Variants in CCDC157 observed in about 807,000 individuals in gnomAD.
CCDC157 encodes coiled-coil domain-containing protein 157.
A neutral mutation model predicts 70.9 loss-of-function variants in CCDC157; 60 were observed. That is an observed-to-expected ratio of 0.85 (90% CI 0.69 to 1.05). The LOEUF is 1.05. CCDC157 is among the 50% of genes least tolerant of loss of function. The pLI, the probability that CCDC157 is intolerant of heterozygous loss-of-function variation, is 0.00. For missense variants in CCDC157, 943 were observed against 984.2 expected (o/e 0.96, Z 0.56); for synonymous variants, 373 against 422.4 (o/e 0.88, Z 1.43).
rs772145253 is a variant in CCDC157, at chr22:30,370,837, C to A, written c.932C>A (p.Ala311Glu). 1.2e-6 allele frequency: 2 copies of A among 1,612,736 alleles called. No homozygotes were observed. Among genetic ancestry groups the A allele is most frequent in the Middle Eastern group, 1.8e-4 (1 of 5,702 alleles). The part of the protein sequence containing the change: ...EGQKDGLRKQ[A>E]GKLEQALKQE... ...CAGAAGGATGGCCTGAGGAAGCAGG[C>A]GGGCAAGCTGGAGCAGGCGCTGAAA... The change falls in exon 5 of 12, where the codon GCG (alanine) becomes GAG (glutamate). Residue 311 changes from alanine (A) to glutamate (E), a missense_variant. Transcript: ENST00000338306.
intron 1 of CCDC157, among the ~76,000 whole-genome samples, chr22:30,357,350 A>G (rs1484335539): frequency 1.3e-5 from 2 of 151,616 alleles, no homozygotes; most frequent in Non-Finnish European, 2.9e-5. Flanking sequence ...TCAGACCCAC[A>G]TCCTCCAAGC....
At chr22:30,367,543 C>CA (rs1569185766) in intron 3 of CCDC157, among the ~76,000 whole-genome samples, 60 of 151,846 alleles carry the variant, frequency 4.0e-4, no homozygotes, top group Admixed American at 2.0e-3. Flanking sequence ...CTGGCTGGTG[C>CA]GTGCCTATTG....
In CCDC157 at chr22:30,375,619, A is replaced by G. The variant is rs773722024; in HGVS notation, c.1813A>G (p.Met605Val). ...GGAGGAGAACGGGCGGCTCCAATCA[A>G]TGCTGTCCAAAATCCGGGAAGTGGC... Reference protein sequence around the residue: ...LQEENGRLQSMLSKIREVAQQ... With the variant: ...LQEENGRLQSVLSKIREVAQQ... The change falls in exon 10 of 12, where the codon ATG (methionine) becomes GTG (valine). Residue 605 changes from methionine to valine, a missense_variant. By Grantham distance (21) the Met-to-Val change is conservative. Transcript: ENST00000338306. The G allele has an allele frequency of 8.1e-6, 13 of 1,613,946 alleles. No individual in the cohort carries two copies. The highest frequency in any genetic ancestry group is 1.1e-5 in the Non-Finnish European group (13 of 1,179,996).
chr22:30,374,988 CTCA>C, intron 9 of CCDC157: 1 of 328,588 alleles, frequency 3.0e-6, no homozygotes, highest in Non-Finnish European at 5.8e-6. Context: ...GAGACAGAGT[CTCA>C]CTCTGTTGCC....
At chr22:30,362,276 A>G (rs1238880373) in intron 2 of CCDC157, among the ~76,000 whole-genome samples, 162 bp downstream of exon 2, 1 of 152,200 alleles carries the variant, frequency 6.6e-6, no homozygotes, top group African/African-American at 2.4e-5. Context: ...TGCCAACCAC[A>G]AATAACTTCT....
chr22:30,374,740 A>G (rs754809892), intron 9 of CCDC157: 1 of 456,614 alleles, frequency 2.2e-6, no homozygotes, highest in South Asian at 1.5e-5. Flanking sequence ...ATAGCAGGAA[A>G]CTGAACCAGA....
intron 3 of CCDC157, among the ~76,000 whole-genome samples, chr22:30,367,880 G>A (rs749390309): frequency 2.6e-5 from 4 of 152,096 alleles, no homozygotes; most frequent in Non-Finnish European, 4.4e-5. Flanking sequence ...GTGAAACCCC[G>A]TCTCTACTAA....
chr22:30,373,458 C>T (rs1933088776), intron 7 of CCDC157, 139 bp from the exon 8 acceptor site: 3 of 900,816 alleles, frequency 3.3e-6, no homozygotes, highest in Non-Finnish European at 5.0e-6. Context: ...CGCATGTGAC[C>T]AGCATTCCCT....
intron 10 of CCDC157, chr22:30,375,942 A>T: frequency 3.7e-6 from 2 of 534,502 alleles, no homozygotes; most frequent in East Asian, 6.4e-5. Context: ...AATCCCAACA[A>T]TTTGAGAGGC....
Position 30,374,027 on chromosome 22 carries a change from G to A in CCDC157, c.1608G>A (p.Lys536=). Residue 536 remains lysine, a synonymous_variant, in exon 9 of 12, where the codon AAG becomes AAA. Coordinates refer to ENST00000338306, the MANE Select transcript of CCDC157 (RefSeq NM_001017437.5). ...TAGAACGGGAGCTGGAGGAGCTGAA[G>A]GAGCGGGAGCGGCTGCTGGTGGCCT... is the stretch of plus-strand genomic sequence containing the variant. ...LELERELEEL[K]ERERLLVAFP... The A allele has an allele frequency of 1.2e-6, 2 of 1,610,024 alleles. No individual in the cohort carries two copies. Among genetic ancestry groups the A allele is most frequent in the Non-Finnish European group, 1.7e-6 (2 of 1,178,628 alleles).
intron 10 of CCDC157, 130 bp from the exon 11 acceptor site, chr22:30,376,129 C>T (rs1933338015): frequency 7.8e-6 from 6 of 768,834 alleles, no homozygotes; most frequent in Non-Finnish European, 1.3e-5. Context: ...AGGCCCTGCC[C>T]CTAGGTGAAA....
Position 30,369,600 on chromosome 22 carries a change from C to G in CCDC157, c.417C>G (p.Pro139=), listed in dbSNP as rs1254424247. 3 of 1,550,880 alleles carry G rather than the reference C, an allele frequency of 1.9e-6. No homozygotes were observed. In the African/African-American group the frequency reaches 4.1e-5, roughly 21 times the overall value. The change falls in exon 4 of 12, where the codon CCC becomes CCG. Residue 139 remains proline, a synonymous_variant. Transcript: ENST00000338306. ...RLGTLHQQPL[P]QKGANQRETP... is the part of the protein sequence containing the mutation. Reference sequence around the variant, plus strand: ...GCACGCTCCACCAGCAGCCACTCCCCCAGGTGGGTCCCAGCCTCTGTCTCA... The same window carrying G: ...GCACGCTCCACCAGCAGCCACTCCCGCAGGTGGGTCCCAGCCTCTGTCTCA...
At chr22:30,376,193 C>T (rs1933344449) in intron 10 of CCDC157, 66 bp from the exon 11 acceptor site, 4 of 1,459,746 alleles carry the variant, frequency 2.7e-6, no homozygotes, top group African/African-American at 2.9e-5. Flanking sequence ...CTACGACACC[C>T]TCTCTGTACA....
In CCDC157 at chr22:30,376,982, C is replaced by T. The variant is rs1442383605; in HGVS notation, c.*237C>T. 4 of 584,434 alleles carry T rather than the reference C, an allele frequency of 6.8e-6. No individual in the cohort carries two copies. Among genetic ancestry groups the T allele is most frequent in the African/African-American group, 3.7e-5 (2 of 53,572 alleles). The allele number at this position is 584,434 out of a possible 1,614,324, so 36.2% of individuals were successfully genotyped here. On this transcript the variant is annotated 3_prime_UTR_variant, in exon 12 of 12. Coordinates refer to ENST00000338306, the MANE Select transcript of CCDC157 (RefSeq NM_001017437.5). ...AAAAGGGGCCTTCCTGCTTCCCTCC[C>T]GACAGAGGCTGTGGGATAGGAGAGT...
chr22:30,365,104 G>A (rs1022548533), intron 2 of CCDC157, among the ~76,000 whole-genome samples: 31 of 152,196 alleles, frequency 2.0e-4, no homozygotes, highest in African/African-American at 7.0e-4. Flanking sequence ...TCACAGCTGA[G>A]ATGGTGGAAG....
intron 9 of CCDC157, 48 bp from the exon 10 acceptor site, chr22:30,375,431 C>T (rs1157276646): frequency 6.3e-7 from 1 of 1,598,082 alleles, no homozygotes; most frequent in Non-Finnish European, 8.6e-7. Context: ...AGGCCACCTG[C>T]CCAAGCTGGT....
At chr22:30,374,893 C>T in intron 9 of CCDC157, 2 of 276,564 alleles carry the variant, frequency 7.2e-6, no homozygotes, top group South Asian at 4.3e-5. Flanking sequence ...TGGCTGTAGC[C>T]TGTCCAAAAC....
At chr22:30,357,910 C>T (rs777822536) in intron 1 of CCDC157, among the ~76,000 whole-genome samples, 12 of 152,138 alleles carry the variant, frequency 7.9e-5, no homozygotes, top group Non-Finnish European at 1.2e-4. Flanking sequence ...GCGATCCTCC[C>T]GCCTTGGCCT....
In CCDC157 at chr22:30,371,648, A is replaced by G; in HGVS notation, c.1046-2A>G. The G allele has an allele frequency of 3.1e-6, 5 of 1,613,680 alleles. No homozygotes were observed. The highest frequency in any genetic ancestry group is 3.4e-6 in the Non-Finnish European group (4 of 1,179,546). On this transcript the variant is annotated splice_acceptor_variant, in intron 5 of 11. Transcript: ENST00000338306. LOFTEE classifies it high-confidence loss of function. Reference sequence around the variant, plus strand: ...GAAGGGCCTCTCTCTTGGCTGCCATAGAAACAAGTGACCTAAAGACAAAGA... The same window carrying G: ...GAAGGGCCTCTCTCTTGGCTGCCATGGAAACAAGTGACCTAAAGACAAAGA...
Sources: gnomAD v4.1 joint callset for allele counts (sites outside exome capture counted in the v4.1 genomes callset) on GRCh38, gnomAD v4.1.1 for gene constraint, MANE v1.5 for transcripts, NCBI Gene and HGNC (gene_info 2026-07-23, HGNC 2026-07-21) for gene names.